Variants in NPHP4 observed in about 807,000 individuals in gnomAD.
NPHP4 encodes nephrocystin 4.
In NPHP4, 151 loss-of-function variants were observed where a neutral mutation model predicts 155.8. The observed-to-expected ratio is 0.97, with a 90% CI of 0.85 to 1.11. The LOEUF (loss-of-function observed/expected upper bound fraction) is 1.11, where lower values mean the gene tolerates loss of function less well. Among genes scored for constraint, NPHP4 ranks in the 50% least tolerant of loss-of-function variants. The pLI is 0.00. For synonymous variants in NPHP4, 845 were observed against 816.8 expected, an observed-to-expected ratio of 1.03 and a Z score of -0.59; for missense variants, 1,956 against 1,925.7, an observed-to-expected ratio of 1.02 and a Z score of -0.29.
chr1:5,940,200 G>T (rs1646750943), intron 9 of NPHP4, among the ~76,000 whole-genome samples: 2 of 152,156 alleles, frequency 1.3e-5, no homozygotes, highest in African/African-American at 4.8e-5. Flanking sequence ...GGCCATGAGG[G>T]TGGAGTGAAT....
At chr1:5,870,092 G>C (rs962782122) in intron 23 of NPHP4, among the ~76,000 whole-genome samples, 4 of 152,214 alleles carry the variant, frequency 2.6e-5, no homozygotes, top group African/African-American at 9.6e-5. Context: ...GTAGTACTGA[G>C]TACATCTAAC....
chr1:5,904,855 T>G (rs1285191981), intron 15 of NPHP4, 51 bp from the exon 16 acceptor site: 2 of 1,567,146 alleles, frequency 1.3e-6, no homozygotes, highest in African/African-American at 2.7e-5. Flanking sequence ...GCACAGAACC[T>G]GAGGGGTCTA....
At chr1:5,877,000 A>C in intron 20 of NPHP4, 93 bp downstream of exon 20, 16 of 881,322 alleles carry the variant, frequency 1.8e-5, no homozygotes, top group Non-Finnish European at 2.2e-5. Flanking sequence ...GAGGAAGGTA[A>C]GAGAGAATCA....
chr1:5,920,724 T>G (rs1219515198), intron 11 of NPHP4, among the ~76,000 whole-genome samples: 1 of 152,258 alleles, frequency 6.6e-6, no homozygotes, highest in Non-Finnish European at 1.5e-5. Context: ...TCTGTAATCC[T>G]TCTTTCTAAT....
Position 5,961,930 on chromosome 1 carries a change from G to C in NPHP4, c.537C>G (p.Leu179=), listed in dbSNP as rs1484710840. The change falls in exon 6 of 30, where the codon CTC becomes CTG. Residue 179 remains leucine, a synonymous_variant. Coordinates refer to ENST00000378156, the MANE Select transcript of NPHP4 (RefSeq NM_015102.5). ...TGTACTGCAGGCTGCAGTTCTCAAT[G>C]AGGGTCATGTGTCTGTTTTCTGGTG... The part of the protein sequence containing the change: ...DPAEQNRHMT[L]IENCSLQYTL... The C allele has an allele frequency of 1.9e-6, 3 of 1,604,574 alleles. No individual in the cohort carries two copies. The highest frequency in any genetic ancestry group is 2.7e-5 in the African/African-American group (2 of 74,770).
rs181847112 is a variant in NPHP4, at chr1:5,986,127, C to T, written c.135+28G>A. 1,234 of 1,611,546 alleles carry T rather than the reference C, an allele frequency of 7.7e-4. 8 individuals are homozygous for T. The African/African-American group carries it at 0.014, about 19-fold the overall frequency. On this transcript the variant is annotated intron_variant, in intron 2 of 29. Transcript: ENST00000378156. Reference sequence around the variant, plus strand: ...CTCATGTCAGCTAAGAGCAATAACACGCATTTGCTAACAGCACATTTTGTT... The same window carrying T: ...CTCATGTCAGCTAAGAGCAATAACATGCATTTGCTAACAGCACATTTTGTT...
At position 5,988,581 on chromosome 1, in the gene NPHP4, T is replaced by C. The variant is rs528533972; in HGVS notation, c.-38-2254A>G. Among the ~76,000 whole-genome samples the C allele has an allele frequency of 9.0e-4, 137 of 152,268 alleles. 3 individuals are homozygous for C. Among genetic ancestry groups the C allele is most frequent in the Non-Finnish European group, 4.8e-4 (33 of 68,046 alleles). On this transcript the variant is annotated intron_variant, in intron 1 of 29. Coordinates refer to ENST00000378156, the MANE Select transcript of NPHP4 (RefSeq NM_015102.5). ...CTATGGCAGTAAACATTGGTAGATA[T>C]AACTCACATAAACAAAAGTTCTTTG...
rs1299380935 is a variant in NPHP4, at chr1:5,880,191, G to T, written c.2534C>A (p.Ser845Tyr). Reference protein sequence around the residue: ...KVRGCSTLPPSRSRVISNDGA... With the variant: ...KVRGCSTLPPYRSRVISNDGA... ...ATCGTTTGAGATGACCCGAGATCTG[G>T]ACGGTGGCAATGTGCTACAACCTCT... is the stretch of plus-strand genomic sequence containing the variant. The change falls in exon 19 of 30, where the codon TCC becomes TAC. Residue 845 changes from serine (S) to tyrosine (Y), a missense_variant. Coordinates refer to ENST00000378156, the MANE Select transcript of NPHP4 (RefSeq NM_015102.5). 1.2e-6 allele frequency: 2 copies of T among 1,613,740 alleles called. No homozygotes were observed. Among genetic ancestry groups the T allele is most frequent in the Non-Finnish European group, 1.7e-6 (2 of 1,179,784 alleles).
At chr1:5,902,511 T>C (rs1644729523) in intron 16 of NPHP4, among the ~76,000 whole-genome samples, 1 of 152,250 alleles carries the variant, frequency 6.6e-6, no homozygotes, top group African/African-American at 2.4e-5. Context: ...ACAAGAAGCA[T>C]GCCCTGTTGT....
rs548820073 is a variant in NPHP4 at position 5,903,606 on chromosome 1, GAA to G, written c.2143+1009_2143+1010del. ...CTATTCGTTTACAATGATACCCGAA[GAA>G]AAAAAAAGTCATTAGTCCCCATCCT... On this transcript the variant is annotated intron_variant, in intron 16 of 29. Coordinates refer to ENST00000378156, the MANE Select transcript of NPHP4 (RefSeq NM_015102.5). Among the ~76,000 whole-genome samples the G allele has an allele frequency of 3.5e-3, 524 of 151,198 alleles. 4 individuals carry two copies. Among genetic ancestry groups the G allele is most frequent in the African/African-American group, 0.012 (503 of 41,204 alleles).
rs372909916 is a variant in NPHP4, at chr1:5,904,764, C to G, written c.1996G>C (p.Val666Leu). The change falls in exon 16 of 30, where the codon GTG becomes CTG. Residue 666 changes from valine to leucine, a missense_variant. Coordinates refer to ENST00000378156, the MANE Select transcript of NPHP4 (RefSeq NM_015102.5). ...CGGTAGAACTGGAAGGTGAAATACACAGTCTTTGGCCATGATGTTCCTCGG... is the reference window on the plus strand; with the variant it reads ...CGGTAGAACTGGAAGGTGAAATACAGAGTCTTTGGCCATGATGTTCCTCGG... ...DCRGTSWPKT[V>L]YFTFQFYRFP... 2.5e-6 allele frequency: 4 copies of G among 1,613,900 alleles called. No individual in the cohort carries two copies. The highest frequency in any genetic ancestry group is 1.1e-5 in the South Asian group (1 of 91,090).
chr1:5,897,627 G>T (rs1198030799), intron 16 of NPHP4, among the ~76,000 whole-genome samples: 1 of 152,142 alleles, frequency 6.6e-6, no homozygotes, highest in African/African-American at 2.4e-5. Flanking sequence ...AGCTCACTTG[G>T]TCTCTCCTGA....
intron 11 of NPHP4, among the ~76,000 whole-genome samples, chr1:5,909,871 C>A (rs1645092873): frequency 6.6e-6 from 1 of 152,186 alleles, no homozygotes; most frequent in Non-Finnish European, 1.5e-5. Flanking sequence ...CAGCAGCCTC[C>A]TCCCAGGGCC....
In NPHP4 at chr1:5,882,238, CAG is replaced by C; in HGVS notation, c.2486-2001_2486-2000del. ...GTGGCGCGCTTACCCAGCCATCTCT[CAG>C]TGGCGCGCTTACCCAGCCATCTCTC... On this transcript the variant is annotated intron_variant, in intron 18 of 29. Coordinates refer to ENST00000378156, the MANE Select transcript of NPHP4 (RefSeq NM_015102.5). The surrounding 1 kb of genome is among the most constrained non-coding windows in gnomAD (Gnocchi z 5.1). 7.4e-6 allele frequency: 1 copy of C among 135,068 alleles called. No homozygotes were observed. Among genetic ancestry groups the C allele is most frequent in the African/African-American group, 2.8e-5 (1 of 36,164 alleles). The allele number at this position is 135,068 out of a possible 1,614,324, so 8.4% of individuals were successfully genotyped here. A position where few individuals can be genotyped will look rare whatever the true frequency, so the allele number is the denominator to read the frequency against.
At chr1:5,919,037 T>C (rs536373720) in intron 11 of NPHP4, among the ~76,000 whole-genome samples, 1 of 152,386 alleles carries the variant, frequency 6.6e-6, no homozygotes, top group African/African-American at 2.4e-5. Flanking sequence ...GCTAACAATC[T>C]GTGCGTATCA....
In NPHP4 at chr1:5,933,336, T is replaced by C. The variant is rs1223728002; in HGVS notation, c.1120-7A>G. 8 of 1,610,742 alleles carry C rather than the reference T, an allele frequency of 5.0e-6. No individual in the cohort carries two copies. The highest frequency in any genetic ancestry group is 6.8e-6 in the Non-Finnish European group (8 of 1,178,952). On this transcript the variant is annotated splice_region_variant and splice_polypyrimidine_tract_variant and intron_variant, in intron 9 of 29. Coordinates refer to ENST00000378156, the MANE Select transcript of NPHP4 (RefSeq NM_015102.5). ...GAGAGGTGACCGAAGCTGCCTAGAATTAAAACAAAGCACATCGGTGTATGA... is the reference window on the plus strand; with the variant it reads ...GAGAGGTGACCGAAGCTGCCTAGAACTAAAACAAAGCACATCGGTGTATGA...
At chr1:5,887,947 GC>G (rs987686871) in intron 17 of NPHP4, among the ~76,000 whole-genome samples, 36 of 152,344 alleles carry the variant, frequency 2.4e-4, no homozygotes, top group African/African-American at 7.5e-4. Flanking sequence ...GGCAGAGAAG[GC>G]CGGGGAGGCA....
chr1:5,866,415 C>CCACT lies in NPHP4; in HGVS notation c.3598_3601dup (p.Gly1201GlufsTer98). The stretch of plus-strand genomic sequence containing the variant: ...GAAGTCTTTGATCTCCGGGCTTGGA[C>CCACT]CACTGGCCACCTTCAGAAATATGTC... On this transcript the variant is annotated frameshift_variant, in exon 26 of 30. Transcript: ENST00000378156. LOFTEE classifies it high-confidence loss of function. 6.2e-7 allele frequency: 1 copy of CCACT among 1,608,720 alleles called. No homozygotes were observed. The highest frequency in any genetic ancestry group is 8.5e-7 in the Non-Finnish European group (1 of 1,177,210).
chr1:5,904,721 G>A lies in NPHP4; in HGVS notation c.2039C>T (p.Thr680Met), dbSNP rs370238544. The A allele has an allele frequency of 4.2e-5, 68 of 1,613,906 alleles. 1 individual carries two copies. Among genetic ancestry groups the A allele is most frequent in the Non-Finnish European group, 4.3e-5 (51 of 1,179,906 alleles). Residue 680 changes from threonine to methionine, a missense_variant, in exon 16 of 30, where the codon ACG becomes ATG. By Grantham distance (81) the Thr-to-Met change is moderately conservative. Coordinates refer to ENST00000378156, the MANE Select transcript of NPHP4 (RefSeq NM_015102.5). ...CAGCTGGACCAGCTGCAGTCGTGGC[G>A]TCGTTGCGGGTGGGAAGCGGTAGAA... ...FQFYRFPPAT[T>M]PRLQLVQLDE...
Sources: allele counts gnomAD v4.1 joint callset (sites outside exome capture counted in the v4.1 genomes callset), GRCh38; gene constraint gnomAD v4.1.1; non-coding constraint Gnocchi (gnomAD v3.1); transcripts MANE v1.5; gene names NCBI Gene and HGNC (gene_info 2026-07-23, HGNC 2026-07-21).